The following TMEM51 variants were observed in gnomAD, a reference collection of about 807,000 sequenced individuals.
The protein encoded by TMEM51 is chromosome 1 open reading frame 72.
In TMEM51, 8 loss-of-function variants were observed where a neutral mutation model predicts 13.6. That is an observed-to-expected ratio of 0.59 (90% CI 0.35 to 1.07). TMEM51 has a LOEUF of 1.07. Among genes scored for constraint, TMEM51 ranks in the 50% least tolerant of loss-of-function variants. TMEM51 has a pLI of 0.02. For missense variants in TMEM51, 279 were observed against 330.7 expected (o/e 0.84, Z 1.21); for synonymous variants, 147 against 144.4 (o/e 1.02, Z -0.13).
At chr1:15,173,023 T>C (rs1643341655) in intron 1 of TMEM51, among the ~76,000 whole-genome samples, 3 of 152,146 alleles carry the variant, frequency 2.0e-5, no homozygotes, top group African/African-American at 7.2e-5. Flanking sequence ...TTAAATGGGC[T>C]CAATGCCTAC....
At chr1:15,203,429 A>AT (rs112836703) in intron 1 of TMEM51, among the ~76,000 whole-genome samples, 3,224 of 140,150 alleles carry the variant, frequency 0.023, 110 homozygotes, top group African/African-American at 0.076. Context: ...TAATTTTTGT[A>AT]TTTTTTTTTT....
rs538939274 is a variant in TMEM51 at position 15,200,600 on chromosome 1, AT to A, written c.-266-9887del. Among the ~76,000 whole-genome samples the A allele has an allele frequency of 6.6e-5, 10 of 151,930 alleles. No homozygotes were observed. In the East Asian group the frequency reaches 1.7e-3, roughly 27 times the overall value. On this transcript the variant is annotated intron_variant, in intron 1 of 3. Coordinates refer to ENST00000376008, the MANE Select transcript of TMEM51 (RefSeq NM_001136218.2). ...AGCCTATAGAATTGTGAAAAAATAGATTTCTGTTGTTTCAGGCACCCTGACT... is the reference window on the plus strand; with the variant it reads ...AGCCTATAGAATTGTGAAAAAATAGATTCTGTTGTTTCAGGCACCCTGACT...
At chr1:15,186,324 G>T (rs1464658621) in intron 1 of TMEM51, among the ~76,000 whole-genome samples, 1 of 152,244 alleles carries the variant, frequency 6.6e-6, no homozygotes, top group Non-Finnish European at 1.5e-5. Context: ...GAATTGGATG[G>T]ACAGGAAAGA....
chr1:15,168,352 A>G, intron 1 of TMEM51: 1 of 1,000,562 alleles, frequency 1.0e-6, no homozygotes, highest in South Asian at 1.7e-5. Flanking sequence ...CACCAAAAGA[A>G]AGAAGGGGAA....
chr1:15,187,314 C>G (rs6693418), intron 1 of TMEM51, among the ~76,000 whole-genome samples: 81,428 of 151,990 alleles, frequency 0.54, 22,321 homozygotes, highest in East Asian at 0.64. Context: ...TTCCACAGGT[C>G]CCCTGCACTT....
chr1:15,195,236 C>T (rs1644025008), intron 1 of TMEM51, among the ~76,000 whole-genome samples: 2 of 152,012 alleles, frequency 1.3e-5, no homozygotes, highest in African/African-American at 4.8e-5. Context: ...CCGGCCTGCC[C>T]CATATATAAT....
intron 1 of TMEM51, among the ~76,000 whole-genome samples, chr1:15,173,022 C>G (rs1235722926): frequency 6.6e-6 from 1 of 152,090 alleles, no homozygotes; most frequent in Non-Finnish European, 1.5e-5. Flanking sequence ...GTTAAATGGG[C>G]TCAATGCCTA....
chr1:15,162,635 T>C (rs891007261), intron 1 of TMEM51, among the ~76,000 whole-genome samples: 1 of 152,120 alleles, frequency 6.6e-6, no homozygotes, highest in African/African-American at 2.4e-5. Context: ...AAAGGATGAA[T>C]GAATAAACAA....
At position 15,183,720 on chromosome 1, in the gene TMEM51, C is replaced by T. The variant is rs545775620; in HGVS notation, c.-266-26770C>T. ...TGTGGGCTATGGACATAGAAACAGG[C>T]AAGGCAACAAATAACATAAATAAAC... On this transcript the variant is annotated intron_variant, in intron 1 of 3. Coordinates refer to ENST00000376008, the MANE Select transcript of TMEM51 (RefSeq NM_001136218.2). Among the ~76,000 whole-genome samples, 4 of 152,252 alleles carry T rather than the reference C, an allele frequency of 2.6e-5. No individual in the cohort carries two copies. In the South Asian group the frequency reaches 8.3e-4, roughly 32 times the overall value.
intron 3 of TMEM51, among the ~76,000 whole-genome samples, chr1:15,217,021 A>G (rs949908241): frequency 6.6e-6 from 1 of 152,172 alleles, no homozygotes; most frequent in Admixed American, 6.5e-5. Context: ...TCTTATCTTT[A>G]TAGTGGGAAG....
intron 1 of TMEM51, among the ~76,000 whole-genome samples, chr1:15,210,057 A>C (rs1644314958): frequency 6.6e-6 from 1 of 151,968 alleles, no homozygotes. Flanking sequence ...GAAGGGAGGG[A>C]GACGGGGAGG....
intron 1 of TMEM51, among the ~76,000 whole-genome samples, chr1:15,176,671 G>T (rs1643465717): frequency 6.6e-6 from 1 of 152,228 alleles, no homozygotes; most frequent in East Asian, 1.9e-4. Flanking sequence ...CATCATTGGT[G>T]CCTGGTACAG....
chr1:15,202,489 T>C (rs55675605), intron 1 of TMEM51, among the ~76,000 whole-genome samples: 20,302 of 152,164 alleles, frequency 0.13, 1,735 homozygotes, highest in Non-Finnish European at 0.19. Flanking sequence ...AACATCACAA[T>C]GTGGGCAGGG....
At chr1:15,204,870 C>G (rs1051123103) in intron 1 of TMEM51, among the ~76,000 whole-genome samples, 1 of 152,004 alleles carries the variant, frequency 6.6e-6, no homozygotes, top group Non-Finnish European at 1.5e-5. Context: ...TGGTCAGAGC[C>G]TGTGCTTAGC....
At chr1:15,154,097 A>AC (rs1642498271) in intron 1 of TMEM51, 143 bp downstream of exon 1, 1 of 151,764 alleles carries the variant, frequency 6.6e-6, no homozygotes, top group African/African-American at 2.4e-5. Flanking sequence ...CCTGGGGTCG[A>AC]CCACCGGGAG....
At chr1:15,209,218 G>A (rs999034793) in intron 1 of TMEM51, among the ~76,000 whole-genome samples, 11 of 148,812 alleles carry the variant, frequency 7.4e-5, no homozygotes, top group African/African-American at 2.7e-4. Flanking sequence ...CTACAGGTGT[G>A]AGCCACACAC....
At chr1:15,194,917 CTTTTTTT>C (rs34885407) in intron 1 of TMEM51, among the ~76,000 whole-genome samples, 6 of 93,442 alleles carry the variant, frequency 6.4e-5, no homozygotes, top group African/African-American at 1.6e-4. Context: ...TATAATTTTA[CTTTTTTT>C]TTTTTTTTTT....
At position 15,161,704 on chromosome 1, in the gene TMEM51, C is replaced by T. The variant is rs1002102857; in HGVS notation, c.-267+7750C>T. Among the ~76,000 whole-genome samples, 7 of 151,766 alleles carry T rather than the reference C, an allele frequency of 4.6e-5. No homozygotes were observed. Among genetic ancestry groups the T allele is most frequent in the South Asian group, 2.1e-4 (1 of 4,806 alleles). ...CGGTAATCCCAGCACTTTGGGAAAC[C>T]GAGGCAGGCAGATCACGAGATCGAG... is the stretch of plus-strand genomic sequence containing the variant. On this transcript the variant is annotated intron_variant, in intron 1 of 3. Transcript: ENST00000376008. This position sits in a 1 kb window ranked among gnomAD's most constrained non-coding sequence, Gnocchi z 4.0.
intron 3 of TMEM51, among the ~76,000 whole-genome samples, chr1:15,216,206 A>T (rs1644430761): frequency 6.6e-6 from 1 of 152,150 alleles, no homozygotes; most frequent in Non-Finnish European, 1.5e-5. Flanking sequence ...GTATGCTTTA[A>T]TTTGAAATGG....
Sources: allele counts gnomAD v4.1 joint callset (sites outside exome capture counted in the v4.1 genomes callset), GRCh38; gene constraint gnomAD v4.1.1; non-coding constraint Gnocchi (gnomAD v3.1); transcripts MANE v1.5; gene names NCBI Gene and HGNC (gene_info 2026-07-23, HGNC 2026-07-21).